Variants in NCKAP5 observed in about 807,000 individuals in gnomAD.
The protein encoded by NCKAP5 is NCK associated protein 5.
NCKAP5 carries 92 observed loss-of-function variants against 167.0 expected under a neutral mutation model. The ratio of observed to expected loss-of-function variants is 0.55; its 90% CI spans 0.47 to 0.66. NCKAP5 has a LOEUF of 0.66. NCKAP5 is among the 30% of genes least tolerant of loss of function. The pLI, the probability that NCKAP5 is intolerant of heterozygous loss-of-function variation, is 0.00. For synonymous variants in NCKAP5, 891 were observed against 877.4 expected (o/e 1.02, Z -0.27); for missense variants, 2,378 against 2,315.0 (o/e 1.03, Z -0.56).
chr2:132,769,656 C>T (rs1173838167), intron 16 of NCKAP5, among the ~76,000 whole-genome samples: 2 of 152,172 alleles, frequency 1.3e-5, no homozygotes, highest in African/African-American at 4.8e-5. Context: ...GCCTGGGAGA[C>T]ATGCTCAGTC....
intron 16 of NCKAP5, among the ~76,000 whole-genome samples, chr2:132,746,030 T>G (rs1047722299): frequency 6.6e-6 from 1 of 152,030 alleles, no homozygotes; most frequent in African/African-American, 2.4e-5. Flanking sequence ...CAATGACATT[T>G]TAATCAAAAC....
intron 7 of NCKAP5, among the ~76,000 whole-genome samples, chr2:132,977,884 T>C (rs1573615259): frequency 6.6e-6 from 1 of 152,188 alleles, no homozygotes; most frequent in East Asian, 1.9e-4. Context: ...ACATTAAAAC[T>C]ATTATTTTTA....
intron 4 of NCKAP5, among the ~76,000 whole-genome samples, chr2:133,221,967 C>A (rs568422939): frequency 6.6e-6 from 1 of 152,254 alleles, no homozygotes; most frequent in Non-Finnish European, 1.5e-5. Flanking sequence ...GATACTGGAC[C>A]TATTTTACTT....
At position 133,030,613 on chromosome 2, in the gene NCKAP5, T is replaced by G. The variant is rs573227918; in HGVS notation, c.342-36374A>C. 4.2e-3 allele frequency among the ~76,000 whole-genome samples: 638 copies of G among 152,258 alleles called. 3 individuals are homozygous for G. The highest frequency in any genetic ancestry group is 0.014 in the South Asian group (66 of 4,822). ...ACTGGTCATTTGGATGAAGCTAGGT[T>G]GACATGTGGAAATCTTAAGACATAA... On this transcript the variant is annotated intron_variant, in intron 6 of 19. Coordinates refer to ENST00000409261, the MANE Select transcript of NCKAP5 (RefSeq NM_207363.3).
At chr2:133,037,122 T>C (rs2079064118) in intron 6 of NCKAP5, among the ~76,000 whole-genome samples, 1 of 151,922 alleles carries the variant, frequency 6.6e-6, no homozygotes, top group African/African-American at 2.4e-5. Context: ...TAATAAAAAC[T>C]ATAAAACACA....
At chr2:132,923,735 T>G (rs934479223) in intron 8 of NCKAP5, among the ~76,000 whole-genome samples, 1 of 152,210 alleles carries the variant, frequency 6.6e-6, no homozygotes, top group Non-Finnish European at 1.5e-5. Flanking sequence ...AAGGTACTGT[T>G]AGAAAAATCT....
intron 16 of NCKAP5, among the ~76,000 whole-genome samples, chr2:132,737,460 G>A (rs375957191): frequency 6.6e-6 from 1 of 152,202 alleles, no homozygotes; most frequent in South Asian, 2.1e-4. Context: ...GAAAGTTACT[G>A]TGTCTCAGAG....
chr2:132,772,502 T>C (rs779702879), intron 16 of NCKAP5, among the ~76,000 whole-genome samples: 2 of 152,176 alleles, frequency 1.3e-5, no homozygotes, highest in Non-Finnish European at 2.9e-5. Flanking sequence ...ATATATTATT[T>C]CACAGGCCCA....
At chr2:133,271,235 T>C (rs2089498410) in intron 4 of NCKAP5, among the ~76,000 whole-genome samples, 1 of 152,086 alleles carries the variant, frequency 6.6e-6, no homozygotes, top group Admixed American at 6.5e-5. Context: ...CCCGGCCTTG[T>C]TGCTTCATTC....
intron 16 of NCKAP5, among the ~76,000 whole-genome samples, chr2:132,752,438 C>T (rs1680194347): frequency 6.6e-6 from 1 of 152,224 alleles, no homozygotes; most frequent in South Asian, 2.1e-4. Flanking sequence ...TTTAATAAAG[C>T]CTCTTCACTA....
intron 6 of NCKAP5, among the ~76,000 whole-genome samples, chr2:133,029,003 C>T (rs1014406507): frequency 3.3e-5 from 5 of 152,200 alleles, no homozygotes; most frequent in Non-Finnish European, 4.4e-5. Flanking sequence ...CTTCCTGAGG[C>T]CTCCCCAGAA....
intron 6 of NCKAP5, among the ~76,000 whole-genome samples, chr2:133,082,294 T>TA (rs560246778): frequency 2.3e-3 from 356 of 152,270 alleles, no homozygotes; most frequent in African/African-American, 8.4e-3. Flanking sequence ...ACACACAGGT[T>TA]AAAGACTGCA....
chr2:133,589,243 G>A, the NCKAP5 span, among the ~76,000 whole-genome samples: 2 of 152,180 alleles, frequency 1.3e-5, no homozygotes, highest in African/African-American at 4.8e-5. Flanking sequence ...GATGAACTCG[G>A]GTTGGGAATA....
At chr2:133,149,759 A>T (rs1224591963) in intron 5 of NCKAP5, among the ~76,000 whole-genome samples, 1 of 152,156 alleles carries the variant, frequency 6.6e-6, no homozygotes, top group Non-Finnish European at 1.5e-5. Context: ...GAATAAGACA[A>T]GTTTCCTGTC....
At chr2:132,709,282 T>C (rs1483038087) in intron 19 of NCKAP5, among the ~76,000 whole-genome samples, 1 of 152,076 alleles carries the variant, frequency 6.6e-6, no homozygotes, top group East Asian at 1.9e-4. Flanking sequence ...ACAAGCTTAG[T>C]GTCTTTCTGA....
the NCKAP5 span, among the ~76,000 whole-genome samples, chr2:133,658,211 G>A: frequency 2.0e-5 from 3 of 151,894 alleles, no homozygotes; most frequent in Admixed American, 6.6e-5. Context: ...GAAATGGGCC[G>A]GGGAGAACTC....
Position 133,213,749 on chromosome 2 carries a change from T to G in NCKAP5, c.174A>C (p.Arg58=). 6.2e-7 allele frequency: 1 copy of G among 1,613,826 alleles called. No individual in the cohort carries two copies. Among genetic ancestry groups the G allele is most frequent in the Non-Finnish European group, 8.5e-7 (1 of 1,179,798 alleles). ...CCTCACTTGTTCTTTGGGCAACTTCTCGCTGTAGTCGGGCCACTGCCAACT... is the reference window on the plus strand; with the variant it reads ...CCTCACTTGTTCTTTGGGCAACTTCGCGCTGTAGTCGGGCCACTGCCAACT... ...REKLAVARLQ[R]EVAQRTSEGA... The change falls in exon 5 of 20, where the codon CGA becomes CGC. Residue 58 remains arginine, a synonymous_variant. Transcript: ENST00000409261.
intron 10 of NCKAP5, among the ~76,000 whole-genome samples, chr2:132,865,888 G>A (rs150006613): frequency 6.8e-4 from 103 of 152,310 alleles, no homozygotes; most frequent in Admixed American, 3.9e-3. Context: ...TTAAAGTGCT[G>A]CATGTGGGGT....
At chr2:133,344,281 G>A (rs1006137458) in intron 3 of NCKAP5, among the ~76,000 whole-genome samples, 25 of 151,890 alleles carry the variant, frequency 1.6e-4, no homozygotes, top group Admixed American at 1.6e-3. Context: ...GTAGTAGCGT[G>A]CCTGTAATTC....
Sources: allele counts gnomAD v4.1 joint callset (sites outside exome capture counted in the v4.1 genomes callset), GRCh38; gene constraint gnomAD v4.1.1; transcripts MANE v1.5; gene names NCBI Gene and HGNC (gene_info 2026-07-23, HGNC 2026-07-21).